COL28A1: variants seen among roughly 807,000 people sequenced by gnomAD.
COL28A1 encodes the protein collagen type XXVIII alpha 1 chain.
In COL28A1, 161 loss-of-function variants were observed where a neutral mutation model predicts 150.2. That is an observed-to-expected ratio of 1.07 (90% CI 0.94 to 1.22). The LOEUF is 1.22. Among genes scored for constraint, COL28A1 ranks in the 50% most tolerant of loss-of-function variants. COL28A1 has a pLI of 0.00. For synonymous variants in COL28A1, 552 were observed against 469.7 expected (o/e 1.18, Z -2.26); for missense variants, 1,617 against 1,388.3 (o/e 1.16, Z -2.62).
At chr7:7,510,902 T>C (rs1781094327) in intron 9 of COL28A1, among the ~76,000 whole-genome samples, 189 bp downstream of exon 9, 1 of 152,166 alleles carries the variant, frequency 6.6e-6, no homozygotes, top group Non-Finnish European at 1.5e-5. Context: ...AAAAAGGCAT[T>C]TGGGGGTTCT....
intron 4 of COL28A1, among the ~76,000 whole-genome samples, chr7:7,522,918 T>G (rs532322993): frequency 6.6e-6 from 1 of 151,260 alleles, no homozygotes; most frequent in East Asian, 2.0e-4. Context: ...CTGGGCTGCA[T>G]GTAGCCTGTG....
intron 15 of COL28A1, among the ~76,000 whole-genome samples, chr7:7,463,028 GGA>G (rs1053951250): frequency 8.3e-4 from 126 of 151,836 alleles, no homozygotes; most frequent in African/African-American, 2.9e-3. Flanking sequence ...AAGAAATCTG[GGA>G]TTATGTTAAA....
intron 27 of COL28A1, among the ~76,000 whole-genome samples, chr7:7,404,063 T>A (rs1252455042): frequency 1.3e-5 from 2 of 152,204 alleles, no homozygotes; most frequent in South Asian, 2.1e-4. Context: ...CATTTTTTTT[T>A]AATTGCACAT....
intron 14 of COL28A1, among the ~76,000 whole-genome samples, chr7:7,474,898 A>G (rs1018787472): frequency 1.3e-5 from 2 of 152,188 alleles, no homozygotes; most frequent in Admixed American, 6.5e-5. Context: ...AGCAAAACAC[A>G]TATGTAGCAT....
intron 27 of COL28A1, among the ~76,000 whole-genome samples, chr7:7,408,663 C>G (rs1362241972): frequency 6.6e-6 from 1 of 152,094 alleles, no homozygotes; most frequent in East Asian, 1.9e-4. Context: ...GTTGTTTTTC[C>G]TTGTAAAGCT....
At chr7:7,391,354 A>T (rs1782530607) in intron 27 of COL28A1, among the ~76,000 whole-genome samples, 1 of 152,030 alleles carries the variant, frequency 6.6e-6, no homozygotes, top group South Asian at 2.1e-4. Context: ...GTTTGTTATG[A>T]TTTCCATTCT....
downstream of COL28A1, among the ~76,000 whole-genome samples, chr7:7,351,610 G>T (rs1346272474): frequency 6.6e-6 from 1 of 152,032 alleles, no homozygotes; most frequent in Non-Finnish European, 1.5e-5. Context: ...CTAATTTTTG[G>T]AGTCTGATGT....
intron 10 of COL28A1, 63 bp downstream of exon 10, chr7:7,507,054 G>A (rs1464469804): frequency 7.3e-6 from 6 of 827,100 alleles, no homozygotes; most frequent in Non-Finnish European, 1.0e-5. Flanking sequence ...TGGGCAAGGG[G>A]ATGGTTTAAA....
Position 7,417,629 on chromosome 7 carries a change from C to T in COL28A1, c.2136+230G>A. 5 of 499,536 alleles carry T rather than the reference C, an allele frequency of 1.0e-5. No individual in the cohort carries two copies. The South Asian group carries it at 1.3e-4, about 13-fold the overall frequency. The allele number at this position is 499,536 out of a possible 1,614,324, so 30.9% of individuals were successfully genotyped here. A position where few individuals can be genotyped will look rare whatever the true frequency, so the allele number is the denominator to read the frequency against. On this transcript the variant is annotated intron_variant, in intron 27 of 34. Transcript: ENST00000399429. ...GAGGGGAAAGCAACAAACCATAGAA[C>T]AGTTCACTTTTGCACCAAGCAATTT...
Position 7,532,737 on chromosome 7 carries a change from T to C in COL28A1, c.124+15A>G. The C allele has an allele frequency of 2.3e-6, 1 of 439,096 alleles. No homozygotes were observed. Among genetic ancestry groups the C allele is most frequent in the Non-Finnish European group, 3.3e-6 (1 of 302,748 alleles). The allele number at this position is 439,096 out of a possible 1,614,324, so 27.2% of individuals were successfully genotyped here. On this transcript the variant is annotated intron_variant, in intron 2 of 34. Transcript: ENST00000399429. ...ACAGGCTAAACTTAAAAACAAACAA[T>C]TTTTTTTTTTTTACCCTGGACATCA...
At chr7:7,372,127 C>T (rs959363144) in intron 32 of COL28A1, among the ~76,000 whole-genome samples, 23 of 152,156 alleles carry the variant, frequency 1.5e-4, no homozygotes, top group Admixed American at 9.8e-4. Context: ...TGGCTGGGCA[C>T]GGTGGCTCAT....
intron 18 of COL28A1, among the ~76,000 whole-genome samples, chr7:7,451,697 T>TA (rs2128329232): frequency 6.6e-6 from 1 of 152,280 alleles, no homozygotes; most frequent in South Asian, 2.1e-4. Context: ...GAGGCATATA[T>TA]TACACATATG....
chr7:7,510,210 T>C (rs537500616), intron 9 of COL28A1, among the ~76,000 whole-genome samples: 47 of 152,350 alleles, frequency 3.1e-4, no homozygotes, highest in African/African-American at 1.1e-3. Flanking sequence ...ATACTCTCTG[T>C]ATATATTTGG....
chr7:7,494,537 C>T (rs1446768058), intron 11 of COL28A1, among the ~76,000 whole-genome samples: 1 of 152,180 alleles, frequency 6.6e-6, no homozygotes, highest in East Asian at 1.9e-4. Flanking sequence ...TGCAAAACAT[C>T]TAAGTCATAA....
intron 31 of COL28A1, among the ~76,000 whole-genome samples, chr7:7,374,038 A>AAAAAAAAAAAAAATATATATATATATAT: frequency 7.0e-5 from 8 of 113,626 alleles, no homozygotes; most frequent in African/African-American, 3.0e-4. Context: ...AAAAAAAAAA[A>AAAAAAAAAAAAAATATATATATATATAT]ATATATATAT....
chr7:7,462,011 G>C (rs1787671821), intron 15 of COL28A1, among the ~76,000 whole-genome samples: 2 of 152,100 alleles, frequency 1.3e-5, no homozygotes. Flanking sequence ...GCAGGCGCTG[G>C]TATCCATGGC....
chr7:7,519,859 T>G (rs1781616429), intron 6 of COL28A1, among the ~76,000 whole-genome samples: 1 of 152,218 alleles, frequency 6.6e-6, no homozygotes, highest in Non-Finnish European at 1.5e-5. Context: ...ACTAAAATGT[T>G]CATATATGTT....
At chr7:7,444,222 G>A (rs1239398121) in intron 19 of COL28A1, among the ~76,000 whole-genome samples, 196 bp downstream of exon 19, 3 of 152,084 alleles carry the variant, frequency 2.0e-5, no homozygotes, top group Non-Finnish European at 4.4e-5. Flanking sequence ...CAGAGGATGT[G>A]AGACACTATC....
At position 7,358,742 on chromosome 7, in the gene COL28A1, T is replaced by C. The variant is rs1780465257; in HGVS notation, c.3269A>G (p.Tyr1090Cys). Residue 1090 changes from tyrosine to cysteine, a missense_variant, in exon 35 of 35, where the codon TAT becomes TGT. By Grantham distance (194) the Tyr-to-Cys change is radical (BLOSUM62 -2). Coordinates refer to ENST00000399429, the MANE Select transcript of COL28A1 (RefSeq NM_001037763.3). ...NCGEYVVRWY[Y>C]DKQVNSCARF... The stretch of plus-strand genomic sequence containing the variant: ...GGCACAAGAGTTGACCTGTTTGTCA[T>C]AATACCATCGAACCACATATTCACC... 6.2e-7 allele frequency: 1 copy of C among 1,614,082 alleles called. No individual in the cohort carries two copies. The highest frequency in any genetic ancestry group is 2.2e-5 in the East Asian group (1 of 44,868).
Sources: allele counts gnomAD v4.1 joint callset (sites outside exome capture counted in the v4.1 genomes callset), GRCh38; gene constraint gnomAD v4.1.1; transcripts MANE v1.5; gene names NCBI Gene and HGNC (gene_info 2026-07-23, HGNC 2026-07-21).